Variants in PRKDC observed in about 807,000 individuals in gnomAD.
PRKDC encodes DNA-dependent protein kinase catalytic subunit.
Under a neutral mutation model 486.9 loss-of-function variants are expected in PRKDC, and 82 were observed. The ratio of observed to expected loss-of-function variants is 0.17; its 90% CI spans 0.14 to 0.20. The LOEUF is 0.20. Ranked by LOEUF, PRKDC falls within the 10% of genes least tolerant of loss-of-function variation. PRKDC has a pLI of 1.00. For synonymous variants in PRKDC, 1,895 were observed against 1,837.0 expected (o/e 1.03, Z -0.81); for missense variants, 4,504 against 5,038.2 (o/e 0.89, Z 3.21).
At chr8:47,792,108 C>CTTA (rs2086892005) in intron 74 of PRKDC, among the ~76,000 whole-genome samples, 1 of 151,934 alleles carries the variant, frequency 6.6e-6, no homozygotes, top group South Asian at 2.1e-4. Flanking sequence ...TTCACATGTT[C>CTTA]TTACTCATTT....
intron 74 of PRKDC, among the ~76,000 whole-genome samples, chr8:47,793,296 G>A (rs1008022429): frequency 6.6e-6 from 1 of 152,180 alleles, no homozygotes; most frequent in Non-Finnish European, 1.5e-5. Flanking sequence ...CAGTAGGGCA[G>A]GGGTGTGTTC....
At chr8:47,949,888 A>G (rs2090599649) in intron 7 of PRKDC, among the ~76,000 whole-genome samples, 1 of 152,266 alleles carries the variant, frequency 6.6e-6, no homozygotes. Context: ...GGTTAAAAAA[A>G]AATCATTGGA....
At chr8:47,952,862 G>A (rs977254783) in intron 7 of PRKDC, among the ~76,000 whole-genome samples, 2 of 143,074 alleles carry the variant, frequency 1.4e-5, no homozygotes, top group African/African-American at 5.2e-5. Context: ...AAATTAGGCC[G>A]GGTGCGGTGG....
chr8:47,878,738 A>G (rs1408329286), intron 39 of PRKDC, among the ~76,000 whole-genome samples: 2 of 152,212 alleles, frequency 1.3e-5, no homozygotes, highest in African/African-American at 4.8e-5. Context: ...AAGGATCCTT[A>G]TCCTATCTCA....
Position 47,902,654 on chromosome 8 carries a change from G to T in PRKDC, c.3184C>A (p.Arg1062=), listed in dbSNP as rs575070006. 1 of 1,613,644 alleles carries T rather than the reference G, an allele frequency of 6.2e-7. No homozygotes were observed. Among genetic ancestry groups the T allele is most frequent in the Non-Finnish European group, 8.5e-7 (1 of 1,179,700 alleles). ...GGGTGAAGCGCAAGGCTATAAAGTCGCTTGAAAAGCGATTTGGTGTTTACT... is the reference window on the plus strand; with the variant it reads ...GGGTGAAGCGCAAGGCTATAAAGTCTCTTGAAAAGCGATTTGGTGTTTACT... ...SPVNTKSLFK[R]LYSLALHPNA... Residue 1062 remains arginine, a synonymous_variant, in exon 27 of 86, where the codon CGA becomes AGA. Coordinates refer to ENST00000314191, the MANE Select transcript of PRKDC (RefSeq NM_006904.7).
At chr8:47,881,814 A>T (rs2089225361) in intron 37 of PRKDC, 98 bp downstream of exon 37, 1 of 1,091,152 alleles carries the variant, frequency 9.2e-7, no homozygotes, top group Non-Finnish European at 1.3e-6. Flanking sequence ...TATTTGTCAA[A>T]CCAATGAGCT....
chr8:47,810,566 ATG>A (rs552093554), intron 68 of PRKDC, among the ~76,000 whole-genome samples: 42 of 152,352 alleles, frequency 2.8e-4, no homozygotes, highest in African/African-American at 8.9e-4. Flanking sequence ...AATCAGGAGA[ATG>A]TATCCATCTC....
chr8:47,855,025 C>T (rs531570222), intron 50 of PRKDC, among the ~76,000 whole-genome samples, 197 bp downstream of exon 50: 5 of 152,284 alleles, frequency 3.3e-5, no homozygotes, highest in East Asian at 3.9e-4. Context: ...CAAGCTGAGG[C>T]GGAGGGCAGG....
At chr8:47,887,890 C>G (rs981445684) in intron 34 of PRKDC, among the ~76,000 whole-genome samples, 185 bp from the exon 35 acceptor site, 2 of 152,192 alleles carry the variant, frequency 1.3e-5, no homozygotes, top group Admixed American at 1.3e-4. Context: ...GGGTCTTGCT[C>G]TGTCGCCCAG....
At chr8:47,887,508 T>C in intron 35 of PRKDC, 39 bp downstream of exon 35, 1 of 1,478,276 alleles carries the variant, frequency 6.8e-7, no homozygotes, top group Non-Finnish European at 9.0e-7. Context: ...TGTATTTCTA[T>C]TATTAGGGGA....
rs1299412659 is a variant in PRKDC at position 47,905,061 on chromosome 8, C to T, written c.2935-85G>A. The T allele has an allele frequency of 2.6e-5, 26 of 1,008,566 alleles. No homozygotes were observed. The East Asian group carries it at 6.1e-4, about 24-fold the overall frequency. The allele number at this position is 1,008,566 out of a possible 1,614,324, so 62.5% of individuals were successfully genotyped here. A position where few individuals can be genotyped will look rare whatever the true frequency, so the allele number is the denominator to read the frequency against. On this transcript the variant is annotated intron_variant, in intron 25 of 85. Transcript: ENST00000314191. Reference sequence around the variant, plus strand: ...AAGGGTTCCATTTAAATGCCATTTGCAGTATAAAATTAAGTAATACTACTA... The same window carrying T: ...AAGGGTTCCATTTAAATGCCATTTGTAGTATAAAATTAAGTAATACTACTA...
intron 21 of PRKDC, among the ~76,000 whole-genome samples, chr8:47,918,848 A>T (rs984731908): frequency 9.2e-5 from 14 of 152,246 alleles, no homozygotes; most frequent in African/African-American, 3.4e-4. Flanking sequence ...CCATTTTGCA[A>T]CCATCAAAGT....
chr8:47,869,400 C>A (rs937988540), intron 40 of PRKDC, among the ~76,000 whole-genome samples: 7 of 151,724 alleles, frequency 4.6e-5, no homozygotes, highest in African/African-American at 1.7e-4. Flanking sequence ...TCCCAGACGA[C>A]ATTTTTAGAC....
chr8:47,952,190 G>A (rs1473543142), intron 7 of PRKDC, among the ~76,000 whole-genome samples: 1 of 152,120 alleles, frequency 6.6e-6, no homozygotes, highest in Non-Finnish European at 1.5e-5. Flanking sequence ...ATACTACTGA[G>A]AATAACCAGT....
At chr8:47,918,844 T>C (rs8178051) in intron 21 of PRKDC, among the ~76,000 whole-genome samples, 6 of 152,230 alleles carry the variant, frequency 3.9e-5, no homozygotes, top group Admixed American at 3.9e-4. Context: ...ATCACCATTT[T>C]GCAACCATCA....
chr8:47,814,280 G>C (rs572086821), intron 68 of PRKDC, among the ~76,000 whole-genome samples: 2 of 152,182 alleles, frequency 1.3e-5, no homozygotes, highest in Non-Finnish European at 2.9e-5. Flanking sequence ...CTGAGTGAGT[G>C]AACTATCTTC....
chr8:47,854,253 C>G, intron 50 of PRKDC, 39 bp from the exon 51 acceptor site: 2 of 1,600,070 alleles, frequency 1.2e-6, no homozygotes, highest in Non-Finnish European at 1.7e-6. Flanking sequence ...GAGACTGTTG[C>G]ATAATCAAGT....
At chr8:47,899,864 T>C (rs1345842678) in intron 28 of PRKDC, among the ~76,000 whole-genome samples, 2 of 152,232 alleles carry the variant, frequency 1.3e-5, no homozygotes, top group African/African-American at 2.4e-5. Context: ...CATTTATTAC[T>C]CTCTTAGCTA....
intron 74 of PRKDC, 135 bp downstream of exon 74, chr8:47,794,155 G>T: frequency 1.4e-6 from 1 of 731,022 alleles, no homozygotes; most frequent in Non-Finnish European, 2.2e-6. Context: ...ATTCAACAAA[G>T]CGACGGCTAA....
Sources: gnomAD v4.1 joint callset for allele counts (sites outside exome capture counted in the v4.1 genomes callset) on GRCh38, gnomAD v4.1.1 for gene constraint, MANE v1.5 for transcripts, NCBI Gene and HGNC (gene_info 2026-07-23, HGNC 2026-07-21) for gene names.